SDK1: variants seen among roughly 807,000 people sequenced by gnomAD.
SDK1 encodes the protein sidekick cell adhesion molecule 1, also known as protein sidekick-1.
Under a neutral mutation model 245.5 loss-of-function variants are expected in SDK1, and 157 were observed. That is an observed-to-expected ratio of 0.64 (90% CI 0.56 to 0.73). SDK1 has a LOEUF of 0.73. Ranked by LOEUF, SDK1 falls within the 30% of genes least tolerant of loss-of-function variation. The pLI is 0.00. For missense variants in SDK1, 3,583 were observed against 3,002.3 expected (o/e 1.19, Z -4.52); for synonymous variants, 1,647 against 1,278.5 (o/e 1.29, Z -6.15).
At chr7:3,953,813 C>G (rs1229742005) in intron 7 of SDK1, among the ~76,000 whole-genome samples, 1 of 152,244 alleles carries the variant, frequency 6.6e-6, no homozygotes, top group East Asian at 1.9e-4. Context: ...CACTTCACTT[C>G]TTTATGATGT....
In SDK1 at chr7:4,049,419, C is replaced by A. The variant is rs756815016; in HGVS notation, c.2674C>A (p.Pro892Thr). ...NSTTIQFLWN[P>T]PPQQFINGIN... ...CACCACCATTCAGTTCCTGTGGAAC[C>A]CTCCGCCTCAGCAGTTTATCAATGG... Residue 892 changes from proline to threonine, a missense_variant, in exon 18 of 45, where the codon CCT becomes ACT. By Grantham distance (38) the Pro-to-Thr change is conservative. Coordinates refer to ENST00000404826, the MANE Select transcript of SDK1 (RefSeq NM_152744.4). 2 of 1,614,020 alleles carry A rather than the reference C, an allele frequency of 1.2e-6. No homozygotes were observed. Among genetic ancestry groups the A allele is most frequent in the African/African-American group, 2.7e-5 (2 of 74,912 alleles).
intron 5 of SDK1, among the ~76,000 whole-genome samples, chr7:3,822,632 G>A (rs1005472739): frequency 1.3e-5 from 2 of 152,048 alleles, no homozygotes; most frequent in African/African-American, 2.4e-5. Flanking sequence ...AGCAGGCATG[G>A]TGGTATGCAC....
intron 44 of SDK1, among the ~76,000 whole-genome samples, chr7:4,248,351 C>T (rs1427300380): frequency 4.6e-5 from 7 of 151,868 alleles, no homozygotes; most frequent in Admixed American, 2.0e-4. Flanking sequence ...TACATGCACA[C>T]ACACGTTTAC....
intron 22 of SDK1, among the ~76,000 whole-genome samples, chr7:4,107,024 A>AG (rs1213346599): frequency 1.3e-5 from 2 of 151,738 alleles, no homozygotes; most frequent in East Asian, 3.9e-4. Flanking sequence ...AGAGGAGGGC[A>AG]GGGAGCTCTA....
chr7:4,059,988 T>C (rs958807600), intron 19 of SDK1, among the ~76,000 whole-genome samples: 3 of 152,020 alleles, frequency 2.0e-5, no homozygotes, highest in Non-Finnish European at 2.9e-5. Flanking sequence ...CACGCCATTG[T>C]CCTGCTTCAG....
At chr7:3,587,312 T>C (rs1780723096) in intron 1 of SDK1, among the ~76,000 whole-genome samples, 2 of 151,924 alleles carry the variant, frequency 1.3e-5, no homozygotes, top group Admixed American at 6.6e-5. Context: ...TGTGTGTGTG[T>C]GTGTGTGTGT....
intron 22 of SDK1, among the ~76,000 whole-genome samples, chr7:4,102,866 G>A (rs1417385774): frequency 1.3e-5 from 2 of 150,096 alleles, no homozygotes; most frequent in African/African-American, 2.5e-5. Flanking sequence ...CTGAAGGACC[G>A]CCCCTACCGG....
At chr7:4,045,621 C>T (rs987942192) in intron 17 of SDK1, among the ~76,000 whole-genome samples, 1 of 152,132 alleles carries the variant, frequency 6.6e-6, no homozygotes, top group African/African-American at 2.4e-5. Flanking sequence ...GGTCACGTGG[C>T]TCGCGCATGT....
At chr7:3,945,899 TAAAAA>T (rs754101246) in intron 5 of SDK1, among the ~76,000 whole-genome samples, 31 of 13,668 alleles carry the variant, frequency 2.3e-3, no homozygotes, top group Non-Finnish European at 3.5e-3. Flanking sequence ...ACTCTGTCTG[TAAAAA>T]AAAAAAAAAA....
At chr7:4,200,492 C>G (rs1468330607) in intron 35 of SDK1, among the ~76,000 whole-genome samples, 1 of 152,232 alleles carries the variant, frequency 6.6e-6, no homozygotes, top group African/African-American at 2.4e-5. Flanking sequence ...GTCTCTGGGA[C>G]AGTGTCAACC....
intron 42 of SDK1, among the ~76,000 whole-genome samples, chr7:4,241,364 G>A (rs539723705): frequency 1.8e-4 from 28 of 152,284 alleles, no homozygotes; most frequent in Middle Eastern, 6.8e-3. Flanking sequence ...GCCAGGTGCA[G>A]TGGCTCACGC....
intron 19 of SDK1, among the ~76,000 whole-genome samples, chr7:4,066,905 C>G (rs1189341128): frequency 4.6e-5 from 7 of 152,142 alleles, no homozygotes. Flanking sequence ...GCACCTGCAT[C>G]TTGGATTTTT....
intron 1 of SDK1, among the ~76,000 whole-genome samples, chr7:3,494,006 G>C (rs1781946635): frequency 1.3e-5 from 2 of 152,172 alleles, no homozygotes; most frequent in East Asian, 1.9e-4. Context: ...CATTGAAACA[G>C]TTTATTCTGT....
intron 1 of SDK1, among the ~76,000 whole-genome samples, chr7:3,528,435 G>C (rs1783226172): frequency 6.6e-6 from 1 of 151,974 alleles, no homozygotes. Context: ...GGATCCTAAG[G>C]TGTGAGAAAG....
At chr7:3,557,717 C>T (rs1779632437) in intron 1 of SDK1, among the ~76,000 whole-genome samples, 1 of 152,176 alleles carries the variant, frequency 6.6e-6, no homozygotes. Flanking sequence ...CTTTGTATTA[C>T]ATCCTATAAC....
In SDK1 at chr7:3,663,410, G is replaced by C. The variant is rs150267966; in HGVS notation, c.713+21305G>C. Among the ~76,000 whole-genome samples, 3 of 152,248 alleles carry C rather than the reference G, an allele frequency of 2.0e-5. No individual in the cohort carries two copies. In the East Asian group the frequency reaches 5.8e-4, roughly 29 times the overall value. On this transcript the variant is annotated intron_variant, in intron 4 of 44. Transcript: ENST00000404826. ...ACTAAATGAAATATATAGGGAAGTG[G>C]GATTCATGCTTGCGATGTATCTTCT...
intron 5 of SDK1, among the ~76,000 whole-genome samples, chr7:3,827,430 A>C (rs1375847635): frequency 2.6e-5 from 4 of 152,214 alleles, no homozygotes; most frequent in African/African-American, 9.6e-5. Flanking sequence ...CAATTATCTG[A>C]GGGTGTAAAT....
chr7:4,101,438 C>T (rs904740725), intron 22 of SDK1, among the ~76,000 whole-genome samples: 19 of 152,206 alleles, frequency 1.2e-4, no homozygotes, highest in African/African-American at 4.1e-4. Flanking sequence ...TGAGCCACCG[C>T]ACCCGGCGGA....
rs1584367259 is a variant in SDK1, at chr7:4,174,256, A to G, written c.4835A>G (p.Gln1612Arg). ...PRDESLNGLL[Q>R]GYRIYYRELE... ...GACGAAAGCCTGAATGGCCTTCTTCAGGGATACAGGATCTACTACAGGGAG... is the reference window on the plus strand; with the variant it reads ...GACGAAAGCCTGAATGGCCTTCTTCGGGGATACAGGATCTACTACAGGGAG... Residue 1612 changes from glutamine (Q) to arginine (R), a missense_variant, in exon 33 of 45, where the codon CAG becomes CGG. Physicochemically the swap from Gln to Arg is conservative, Grantham distance 43. Coordinates refer to ENST00000404826, the MANE Select transcript of SDK1 (RefSeq NM_152744.4). The G allele has an allele frequency of 6.2e-7, 1 of 1,614,046 alleles. No homozygotes were observed. Among genetic ancestry groups the G allele is most frequent in the Non-Finnish European group, 8.5e-7 (1 of 1,179,942 alleles).
Sources: gnomAD v4.1 joint callset for allele counts (sites outside exome capture counted in the v4.1 genomes callset) on GRCh38, gnomAD v4.1.1 for gene constraint, MANE v1.5 for transcripts, NCBI Gene and HGNC (gene_info 2026-07-23, HGNC 2026-07-21) for gene names.